The following DCAF8L2 variants were observed in gnomAD, a reference collection of about 807,000 sequenced individuals.
The protein encoded by DCAF8L2 is DDB1- and CUL4-associated factor 8-like protein 2.
For synonymous variants in DCAF8L2, 200 were observed against 190.9 expected, an observed-to-expected ratio of 1.05 and a Z score of -0.39; for missense variants, 430 against 490.7, an observed-to-expected ratio of 0.88 and a Z score of 1.17.
At chrX:27,743,984 C>G (rs1922027110) in intron 4 of DCAF8L2, among the ~76,000 whole-genome samples, 1 of 110,911 alleles carries the variant, frequency 9.0e-6, no homozygotes, top group Non-Finnish European at 1.9e-5. Context: ...ATGCCCACCT[C>G]AGCCTCCCAA....
chrX:27,675,680 C>T (rs921846891), intron 2 of DCAF8L2, among the ~76,000 whole-genome samples: 35 of 112,077 alleles, frequency 3.1e-4, no homozygotes, highest in African/African-American at 1.1e-3. Flanking sequence ...CACATAGCCA[C>T]TCTCACACCC....
Position 27,748,488 on chromosome X carries a change from T to C in DCAF8L2, c.1593T>C (p.Ser531=). Residue 531 remains serine (S), a synonymous_variant, in exon 5 of 5, where the codon AGT becomes AGC. Coordinates refer to ENST00000451261, the MANE Select transcript of DCAF8L2 (RefSeq NM_001353450.2). ...CTTACCTACCTGTGTTGGCGTGCAG[T>C]GGCCTAGATCATGATGTCAAGATCT... ...PHPYLPVLAC[S]GLDHDVKIWT... 1.7e-6 allele frequency: 2 copies of C among 1,210,695 alleles called. No individual in the cohort carries two copies. Among genetic ancestry groups the C allele is most frequent in the Non-Finnish European group, 2.2e-6 (2 of 894,708 alleles).
intron 2 of DCAF8L2, among the ~76,000 whole-genome samples, chrX:27,653,601 A>C (rs1415424472): frequency 9.0e-6 from 1 of 110,669 alleles, no homozygotes; most frequent in Non-Finnish European, 1.9e-5. Context: ...CTCTTTTAAT[A>C]AACTATCCTA....
chrX:27,722,565 T>C (rs1473884136), intron 4 of DCAF8L2, among the ~76,000 whole-genome samples: 1 of 111,501 alleles, frequency 9.0e-6, no homozygotes, highest in Non-Finnish European at 1.9e-5. Flanking sequence ...GATGTGTGGT[T>C]TCTACTGAAT....
chrX:27,518,726 C>T, the DCAF8L2 span: 11 of 176,931 alleles, frequency 6.2e-5, no homozygotes, highest in Non-Finnish European at 1.1e-4. Flanking sequence ...GTGACAAGAG[C>T]GAGACTCCAT....
chrX:27,615,921 T>C (rs1456297698), intron 1 of DCAF8L2, among the ~76,000 whole-genome samples: 1 of 111,191 alleles, frequency 9.0e-6, no homozygotes, highest in Non-Finnish European at 1.9e-5. Context: ...GCAGTGTTTT[T>C]TAATATTTTT....
intron 2 of DCAF8L2, among the ~76,000 whole-genome samples, chrX:27,637,618 T>C (rs377692341): frequency 1.9e-4 from 21 of 112,190 alleles, no homozygotes; most frequent in African/African-American, 6.5e-4. Context: ...TGAGTATTGA[T>C]TGGATTATCT....
intron 2 of DCAF8L2, among the ~76,000 whole-genome samples, chrX:27,644,357 C>T (rs1053873567): frequency 1.8e-5 from 2 of 111,626 alleles, no homozygotes; most frequent in Admixed American, 9.5e-5. Context: ...ACAGGAAAGA[C>T]ACAGAGGAGA....
At chrX:27,545,303 C>A in the DCAF8L2 span, among the ~76,000 whole-genome samples, 1 of 111,474 alleles carries the variant, frequency 9.0e-6, no homozygotes, top group African/African-American at 3.3e-5. Context: ...TTAACCAAAA[C>A]CATTCTTCCA....
the DCAF8L2 span, among the ~76,000 whole-genome samples, chrX:27,498,086 A>G: frequency 8.9e-6 from 1 of 112,383 alleles, no homozygotes; most frequent in African/African-American, 3.2e-5. Flanking sequence ...TTCTCAGTGA[A>G]CACTGGATTG....
chrX:27,613,472 G>C (rs761267572), intron 1 of DCAF8L2, among the ~76,000 whole-genome samples: 1 of 111,285 alleles, frequency 9.0e-6, no homozygotes, highest in South Asian at 3.8e-4. Flanking sequence ...GCCCTGGCCA[G>C]AACTTCCAAC....
At chrX:27,518,994 T>G in the DCAF8L2 span, 1 of 730,644 alleles carries the variant, frequency 1.4e-6, no homozygotes, top group African/African-American at 2.1e-5. Context: ...ATAAGGGGAT[T>G]TTGGCCTTAT....
At chrX:27,561,348 C>T in the DCAF8L2 span, among the ~76,000 whole-genome samples, 2 of 112,086 alleles carry the variant, frequency 1.8e-5, no homozygotes, top group Admixed American at 1.9e-4. Flanking sequence ...TTAGCTATAG[C>T]CACCCAATCC....
the DCAF8L2 span, among the ~76,000 whole-genome samples, chrX:27,526,467 C>T: frequency 2.7e-5 from 3 of 112,144 alleles, no homozygotes; most frequent in Admixed American, 9.5e-5. Flanking sequence ...GTGATGGGTT[C>T]GAACTTCCTC....
chrX:27,749,615 G>A lies in DCAF8L2; in HGVS notation c.*824G>A, dbSNP rs1922463014. ...TAAGTTTTCTTGAAGTTTTAAGGTT[G>A]GGAACTCCCACAGGGTTACCTTCCA... On this transcript the variant is annotated 3_prime_UTR_variant, in exon 5 of 5. Transcript: ENST00000451261. Among the ~76,000 whole-genome samples, 1 of 111,886 alleles carries A rather than the reference G, an allele frequency of 8.9e-6. No individual in the cohort carries two copies. The highest frequency in any genetic ancestry group is 3.7e-4 in the South Asian group (1 of 2,693).
At chrX:27,700,549 T>G (rs1484262152) in intron 3 of DCAF8L2, among the ~76,000 whole-genome samples, 6 of 111,428 alleles carry the variant, frequency 5.4e-5, no homozygotes, top group Non-Finnish European at 1.1e-4. Flanking sequence ...GATTGATTCT[T>G]TTGATTCAAA....
chrX:27,627,109 C>T (rs1454772375), intron 1 of DCAF8L2, among the ~76,000 whole-genome samples: 1 of 101,928 alleles, frequency 9.8e-6, no homozygotes, highest in Non-Finnish European at 2.0e-5. Flanking sequence ...AAGACAAATG[C>T]AAAAGAAATG....
chrX:27,720,575 T>G (rs1203332913), intron 4 of DCAF8L2, among the ~76,000 whole-genome samples: 1 of 110,650 alleles, frequency 9.0e-6, no homozygotes, highest in South Asian at 3.8e-4. Context: ...GGGTTTCACC[T>G]TGTTAGCCAG....
At chrX:27,656,350 C>T (rs1324399020) in intron 2 of DCAF8L2, among the ~76,000 whole-genome samples, 1 of 111,806 alleles carries the variant, frequency 8.9e-6, no homozygotes, top group Non-Finnish European at 1.9e-5. Flanking sequence ...GTTTAGAAAA[C>T]AGAGTTCTGT....
Sources: allele counts gnomAD v4.1 joint callset (sites outside exome capture counted in the v4.1 genomes callset), GRCh38; gene constraint gnomAD v4.1.1; transcripts MANE v1.5; gene names NCBI Gene and HGNC (gene_info 2026-07-23, HGNC 2026-07-21).